CSPP1: variants seen among roughly 807,000 people sequenced by gnomAD.
CSPP1 encodes centrosome and spindle pole associated protein 1, also known as centrosome and spindle pole-associated protein 1.
In CSPP1, 126 loss-of-function variants were observed where a neutral mutation model predicts 164.4. That is an observed-to-expected ratio of 0.77 (90% confidence interval 0.66 to 0.89). The LOEUF (loss-of-function observed/expected upper bound fraction) is 0.89. CSPP1 is among the 40% of genes least tolerant of loss of function. CSPP1 has a pLI of 0.00. For synonymous variants in CSPP1, 472 were observed against 476.7 expected (o/e 0.99, Z 0.13); for missense variants, 1,395 against 1,449.8 (o/e 0.96, Z 0.61).
chr8:67,161,829 C>G lies in CSPP1; in HGVS notation c.2557C>G (p.Pro853Ala). The change falls in exon 22 of 31, where the codon CCT becomes GCT. Residue 853 changes from proline (P) to alanine (A), a missense_variant. Transcript: ENST00000678616. ...EETKHMRQPS[P>A]IVPALQNKIA... ...TTTTCAGCACATGAGACAGCCTTCTCCTATAGTTCCTGCTCTTCAGAACAA... is the reference window on the plus strand; with the variant it reads ...TTTTCAGCACATGAGACAGCCTTCTGCTATAGTTCCTGCTCTTCAGAACAA... 1 of 1,612,988 alleles carries G rather than the reference C, an allele frequency of 6.2e-7. No homozygotes were observed. The highest frequency in any genetic ancestry group is 8.5e-7 in the Non-Finnish European group (1 of 1,179,478).
At chr8:67,176,343 G>T (rs1241628135) in intron 26 of CSPP1, among the ~76,000 whole-genome samples, 1 of 152,182 alleles carries the variant, frequency 6.6e-6, no homozygotes. Flanking sequence ...TGCAGAATCT[G>T]AGGAAGATTT....
In CSPP1 at chr8:67,129,611, A is replaced by G. The variant is rs1820800541; in HGVS notation, c.1698-2340A>G. ...ATAGTCAAAAAGTGGAAACAATTCA[A>G]GTGTCCATCAGTGAGTGAATGGATA... On this transcript the variant is annotated intron_variant, in intron 15 of 30. Transcript: ENST00000678616. 2.0e-5 allele frequency among the ~76,000 whole-genome samples: 3 copies of G among 152,238 alleles called. 1 individual carries two copies. Among genetic ancestry groups the G allele is most frequent in the Admixed American group, 2.0e-4 (3 of 15,278 alleles).
At chr8:67,071,926 G>GA (rs1457969641) in intron 1 of CSPP1, among the ~76,000 whole-genome samples, 1 of 152,130 alleles carries the variant, frequency 6.6e-6, no homozygotes, top group Non-Finnish European at 1.5e-5. Context: ...AAATGTAAGA[G>GA]AAAAAACTAA....
In CSPP1 at chr8:67,137,542, T is replaced by C. The variant is rs373553472; in HGVS notation, c.1914T>C (p.Tyr638=). 4.4e-6 allele frequency: 7 copies of C among 1,596,262 alleles called. No homozygotes were observed. The African/African-American group carries it at 5.4e-5, about 12-fold the overall frequency. Residue 638 remains tyrosine, a synonymous_variant, in exon 17 of 31, where the codon TAT becomes TAC. Transcript: ENST00000678616. The stretch of plus-strand genomic sequence containing the variant: ...AATTAGAAGCTGAAATGAGAACATA[T>C]AATCCCTGGGGAAAAGGTGGAGGTG... ...EAKLEAEMRT[Y]NPWGKGGGGA... is the part of the protein sequence containing the mutation.
intron 3 of CSPP1, among the ~76,000 whole-genome samples, chr8:67,080,289 C>T (rs573577135): frequency 6.6e-6 from 1 of 152,290 alleles, no homozygotes; most frequent in South Asian, 2.1e-4. Context: ...GTGTAGTAAT[C>T]AGTGATATAT....
At chr8:67,189,632 ATAAT>A (rs1835652795) in intron 28 of CSPP1, among the ~76,000 whole-genome samples, 2 of 152,204 alleles carry the variant, frequency 1.3e-5, no homozygotes, top group South Asian at 2.1e-4. Flanking sequence ...TCTGAATGTT[ATAAT>A]TAGATTTTTG....
At chr8:67,184,514 G>T (rs1338044619) in intron 28 of CSPP1, among the ~76,000 whole-genome samples, 1 of 151,618 alleles carries the variant, frequency 6.6e-6, no homozygotes, top group Non-Finnish European at 1.5e-5. Flanking sequence ...GAGGTGGGCG[G>T]ATCACCTGAA....
intron 17 of CSPP1, among the ~76,000 whole-genome samples, chr8:67,141,199 T>C (rs1057503878): frequency 4.6e-5 from 7 of 152,296 alleles, no homozygotes; most frequent in Middle Eastern, 6.8e-3. Context: ...ATGCCTTTAA[T>C]TGGTGGAAGT....
At chr8:67,190,935 T>C (rs1292924016) in intron 29 of CSPP1, among the ~76,000 whole-genome samples, 176 bp downstream of exon 29, 3 of 152,218 alleles carry the variant, frequency 2.0e-5, no homozygotes, top group Non-Finnish European at 1.5e-5. Flanking sequence ...ATTCTGCTGC[T>C]TTGGCTTCTT....
At chr8:67,119,361 A>C (rs1484923127) in intron 15 of CSPP1, among the ~76,000 whole-genome samples, 2 of 152,146 alleles carry the variant, frequency 1.3e-5, no homozygotes, top group Non-Finnish European at 2.9e-5. Context: ...GAGTTTACAA[A>C]TATCTCTTTG....
At chr8:67,162,601 G>A (rs1020058897) in intron 22 of CSPP1, among the ~76,000 whole-genome samples, 10 of 152,180 alleles carry the variant, frequency 6.6e-5, no homozygotes, top group African/African-American at 2.4e-4. Context: ...TTTAAGTAGG[G>A]GAATGACATG....
chr8:67,102,817 A>G (rs181651523), intron 7 of CSPP1, among the ~76,000 whole-genome samples: 2 of 152,358 alleles, frequency 1.3e-5, no homozygotes, highest in East Asian at 3.9e-4. Flanking sequence ...TTAAAATAAC[A>G]TAATCTTTTT....
At chr8:67,070,832 T>C (rs1005017091) in intron 1 of CSPP1, among the ~76,000 whole-genome samples, 2 of 151,708 alleles carry the variant, frequency 1.3e-5, no homozygotes, top group Non-Finnish European at 1.5e-5. Context: ...CACTGTAGCC[T>C]TGATCTCCTG....
chr8:67,126,614 C>T, intron 15 of CSPP1, among the ~76,000 whole-genome samples: 1 of 152,138 alleles, frequency 6.6e-6, no homozygotes. Flanking sequence ...TTTCACATCC[C>T]ACTTGCACAG....
chr8:67,164,435 C>T lies in CSPP1; in HGVS notation c.2755C>T (p.Gln919Ter), dbSNP rs1226407208. 2.5e-6 allele frequency: 4 copies of T among 1,605,072 alleles called. No homozygotes were observed. Among genetic ancestry groups the T allele is most frequent in the Admixed American group, 1.7e-5 (1 of 59,902 alleles). ...VIMELSEMRK[Q>*]LRSEERRLQE... The stretch of plus-strand genomic sequence containing the variant: ...TATGGAATTATCAGAAATGAGAAAA[C>T]AGCTTCGTAGTGAAGAGAGGCGTCT... The change falls in exon 24 of 31, where the codon CAG becomes TAG. Residue 919 changes from glutamine to a stop codon, truncating the protein, a stop_gained. Transcript: ENST00000678616. LOFTEE classifies it high-confidence loss of function.
At chr8:67,159,696 A>G (rs1298141364) in intron 21 of CSPP1, among the ~76,000 whole-genome samples, 1 of 149,720 alleles carries the variant, frequency 6.7e-6, no homozygotes, top group Non-Finnish European at 1.5e-5. Context: ...TAATTTTTGT[A>G]TTTTTAGCAG....
chr8:67,083,112 C>T (rs1438398405), intron 3 of CSPP1, among the ~76,000 whole-genome samples: 1 of 152,108 alleles, frequency 6.6e-6, no homozygotes. Context: ...GTTGACTAAA[C>T]ATTAAATTAA....
Position 67,093,605 on chromosome 8 carries a change from C to T in CSPP1, c.447C>T (p.Ser149=), listed in dbSNP as rs1283917687. The T allele has an allele frequency of 6.2e-7, 1 of 1,612,170 alleles. No individual in the cohort carries two copies. The highest frequency in any genetic ancestry group is 8.5e-7 in the Non-Finnish European group (1 of 1,178,558). Residue 149 remains serine (S), a synonymous_variant, in exon 6 of 31, where the codon TCC becomes TCT. Coordinates refer to ENST00000678616, the MANE Select transcript of CSPP1 (RefSeq NM_001382391.1). ...YNQFLRGKEE[S]SEKFRQVEKS... is the part of the protein sequence containing the mutation. ...AGTTTCTCAGGGGTAAGGAAGAATC[C>T]AGTGAAAAGTTCAGGCAGGTGGAAA...
chr8:67,173,234 G>A (rs1378709971), intron 25 of CSPP1, among the ~76,000 whole-genome samples: 1 of 152,110 alleles, frequency 6.6e-6, no homozygotes, highest in African/African-American at 2.4e-5. Flanking sequence ...GAGAGGGAGA[G>A]TGATTGTTGA....
Sources: gnomAD v4.1 joint callset for allele counts (sites outside exome capture counted in the v4.1 genomes callset) on GRCh38, gnomAD v4.1.1 for gene constraint, MANE v1.5 for transcripts, NCBI Gene and HGNC (gene_info 2026-07-23, HGNC 2026-07-21) for gene names.